The following COL6A3 variants were observed in gnomAD, a reference collection of about 807,000 sequenced individuals.
The protein encoded by COL6A3 is collagen type VI alpha 3 chain.
In COL6A3, 137 loss-of-function variants were observed where a neutral mutation model predicts 274.1. The ratio of observed to expected loss-of-function variants is 0.50; its 90% confidence interval spans 0.44 to 0.58. COL6A3 has a LOEUF of 0.58. Among genes scored for constraint, COL6A3 ranks in the 20% least tolerant of loss-of-function variants. The probability of loss-of-function intolerance (pLI) is 0.00; values close to 1 mark genes in which losing one functional copy is unlikely to be tolerated. For synonymous variants in COL6A3, 1,650 were observed against 1,650.6 expected, an observed-to-expected ratio of 1.00 and a Z score of 0.01; for missense variants, 3,950 against 4,124.9, an observed-to-expected ratio of 0.96 and a Z score of 1.16.
rs1304638929 is a variant in COL6A3, at chr2:237,332,102, TATATA to T, written c.9328+1343_9328+1347del. On this transcript the variant is annotated intron_variant, in intron 42 of 43. Transcript: ENST00000295550. Reference sequence around the variant, plus strand: ...ATATATATATATATATATATATATATATATATATATATATATGAAAAGAAAAACAA... The same window carrying T: ...ATATATATATATATATATATATATATTATATATATATGAAAAGAAAAACAA... Among the ~76,000 whole-genome samples the T allele has an allele frequency of 7.4e-3, 326 of 43,890 alleles. 50 individuals carry two copies. The highest frequency in any genetic ancestry group is 0.029 in the East Asian group (40 of 1,384). The allele number at this position is 43,890 out of a possible 152,430, so 28.8% of individuals were successfully genotyped here.
At chr2:237,379,672 C>T (rs1222124874) in intron 5 of COL6A3, among the ~76,000 whole-genome samples, 1 of 152,192 alleles carries the variant, frequency 6.6e-6, no homozygotes, top group Non-Finnish European at 1.5e-5. Flanking sequence ...ATCCATAGCT[C>T]AGAAGCAGTT....
chr2:237,341,932 G>T, intron 37 of COL6A3, 133 bp downstream of exon 37: 1 of 778,944 alleles, frequency 1.3e-6, no homozygotes, highest in Non-Finnish European at 2.2e-6. Context: ...ATTTACTCTG[G>T]TAAATACGAG....
chr2:237,338,140 T>C (rs1257294118), intron 39 of COL6A3, among the ~76,000 whole-genome samples: 1 of 152,240 alleles, frequency 6.6e-6, no homozygotes. Flanking sequence ...TTCTTAAATC[T>C]AGGTTAGCCT....
chr2:237,349,106 C>T (rs1383496434), intron 28 of COL6A3, among the ~76,000 whole-genome samples: 1 of 151,882 alleles, frequency 6.6e-6, no homozygotes, highest in Non-Finnish European at 1.5e-5. Flanking sequence ...TCCCCATATC[C>T]CTTCCCTTCC....
chr2:237,341,115 T>C lies in COL6A3; in HGVS notation c.7801A>G (p.Ser2601Gly). Residue 2601 changes from serine to glycine, a missense_variant, in exon 38 of 44, where the codon AGT becomes GGT. Physicochemically the swap from Ser to Gly is moderately conservative, Grantham distance 56. Transcript: ENST00000295550. Reference sequence around the variant, plus strand: ...CTGTCCCTGAAGGAAGGCCTCCAACTGCCAAATCCACAGGATGGGTCGATG... The same window carrying C: ...CTGTCCCTGAAGGAAGGCCTCCAACCGCCAAATCCACAGGATGGGTCGATG... Reference protein sequence around the residue: ...CNIDPSCGFGSWRPSFRDRRA... With the variant: ...CNIDPSCGFGGWRPSFRDRRA... 1.2e-6 allele frequency: 2 copies of C among 1,614,178 alleles called. No homozygotes were observed. Among genetic ancestry groups the C allele is most frequent in the Non-Finnish European group, 1.7e-6 (2 of 1,180,018 alleles).
intron 42 of COL6A3, among the ~76,000 whole-genome samples, chr2:237,330,388 A>G (rs1394630495): frequency 6.6e-6 from 1 of 152,260 alleles, no homozygotes; most frequent in African/African-American, 2.4e-5. Flanking sequence ...ACTGCCATTT[A>G]CAGGCAGCAG....
At chr2:237,398,519 C>T (rs910822016) in intron 1 of COL6A3, among the ~76,000 whole-genome samples, 6 of 152,162 alleles carry the variant, frequency 3.9e-5, no homozygotes, top group African/African-American at 1.4e-4. Flanking sequence ...TCTGTCTAGG[C>T]TGAAGTCCCC....
intron 25 of COL6A3, among the ~76,000 whole-genome samples, chr2:237,352,942 T>C (rs2645765): frequency 0.82 from 125,439 of 152,264 alleles, 52,129 homozygotes; most frequent in African/African-American, 0.94. Context: ...TATCCTTCCA[T>C]CATGTAAAGG....
intron 4 of COL6A3, 22 bp downstream of exon 4, chr2:237,387,560 A>T (rs1379120912): frequency 6.2e-7 from 1 of 1,613,898 alleles, no homozygotes; most frequent in South Asian, 1.1e-5. Flanking sequence ...TCCCACACAG[A>T]TGGTGAGAAG....
chr2:237,399,387 G>T (rs1056380473), intron 1 of COL6A3, among the ~76,000 whole-genome samples: 3 of 152,164 alleles, frequency 2.0e-5, no homozygotes, highest in African/African-American at 4.8e-5. Context: ...AGCCCTCTGT[G>T]AGGAGCATGT....
intron 3 of COL6A3, among the ~76,000 whole-genome samples, chr2:237,388,772 T>G (rs2078217110): frequency 6.6e-6 from 1 of 152,218 alleles, no homozygotes; most frequent in Non-Finnish European, 1.5e-5. Context: ...AAAATGACCT[T>G]GTACATGCAA....
chr2:237,329,773 A>G (rs1322812639), intron 42 of COL6A3: 1 of 152,238 alleles, frequency 6.6e-6, no homozygotes, highest in African/African-American at 2.4e-5. Context: ...GTAACACAAA[A>G]TGCTACCAAT....
At chr2:237,369,758 C>T (rs971733952) in intron 9 of COL6A3, among the ~76,000 whole-genome samples, 6 of 152,116 alleles carry the variant, frequency 3.9e-5, no homozygotes, top group Non-Finnish European at 8.8e-5. Context: ...TTTGTGCCCT[C>T]GTATTTCCTT....
chr2:237,396,022 C>T (rs947659253), intron 2 of COL6A3, among the ~76,000 whole-genome samples: 2 of 152,190 alleles, frequency 1.3e-5, no homozygotes, highest in Non-Finnish European at 2.9e-5. Context: ...CCCCAACCCA[C>T]GTTCTTCTTC....
In COL6A3 at chr2:237,361,098, G is replaced by A. The variant is rs1330282402; in HGVS notation, c.6210+23C>T. The A allele has an allele frequency of 1.2e-6, 2 of 1,608,162 alleles. No individual in the cohort carries two copies. The highest frequency in any genetic ancestry group is 1.7e-6 in the Non-Finnish European group (2 of 1,174,650). On this transcript the variant is annotated intron_variant, in intron 16 of 43. Transcript: ENST00000295550. The surrounding 1 kb of genome is among the most constrained non-coding windows in gnomAD (Gnocchi z 5.1). The stretch of plus-strand genomic sequence containing the variant: ...GATCAAGGAGGGGGTGAAATTTTAG[G>A]GACTAAAACAATTTTTACTTACGGG...
chr2:237,342,718 T>A (rs2077014691), intron 36 of COL6A3: 1 of 159,292 alleles, frequency 6.3e-6, no homozygotes, highest in Non-Finnish European at 1.4e-5. Flanking sequence ...AATGAACAAT[T>A]TTTTGATCTC....
chr2:237,331,802 C>T (rs1700241687), intron 42 of COL6A3, among the ~76,000 whole-genome samples: 1 of 151,048 alleles, frequency 6.6e-6, no homozygotes, highest in Non-Finnish European at 1.5e-5. Flanking sequence ...CATACATACA[C>T]AGACACACAC....
chr2:237,399,667 T>C (rs1242775373), intron 1 of COL6A3, among the ~76,000 whole-genome samples: 1 of 152,216 alleles, frequency 6.6e-6, no homozygotes, highest in African/African-American at 2.4e-5. Context: ...CTGTACTTGA[T>C]TTAACCCAGA....
chr2:237,358,033 T>A, intron 21 of COL6A3, 151 bp from the exon 22 acceptor site: 1 of 782,168 alleles, frequency 1.3e-6, no homozygotes, highest in East Asian at 2.5e-5. Context: ...GTAACATCCA[T>A]GCAGGTCTTA....
Sources: allele counts gnomAD v4.1 joint callset (sites outside exome capture counted in the v4.1 genomes callset), GRCh38; gene constraint gnomAD v4.1.1; non-coding constraint Gnocchi (gnomAD v3.1); transcripts MANE v1.5; gene names NCBI Gene and HGNC (gene_info 2026-07-23, HGNC 2026-07-21).